PEBP4: variants seen among roughly 807,000 people sequenced by gnomAD.
PEBP4 encodes phosphatidylethanolamine-binding protein 4.
Under a neutral mutation model 23.9 loss-of-function variants are expected in PEBP4, and 22 were observed. The observed-to-expected ratio is 0.92, with a 90% CI of 0.66 to 1.31. The LOEUF (loss-of-function observed/expected upper bound fraction) is 1.31, where lower values mean the gene tolerates loss of function less well. Ranked by LOEUF, PEBP4 falls within the 40% of genes most tolerant of loss-of-function variation. PEBP4 has a pLI of 0.00. For missense variants in PEBP4, 324 were observed against 281.7 expected (o/e 1.15, Z -1.07); for synonymous variants, 112 against 99.3 (o/e 1.13, Z -0.76).
At chr8:22,918,884 G>A (rs1563261146) in intron 3 of PEBP4, among the ~76,000 whole-genome samples, 1 of 152,122 alleles carries the variant, frequency 6.6e-6, no homozygotes, top group Non-Finnish European at 1.5e-5. Flanking sequence ...CCAGGGAAGA[G>A]GGCTGACGCT....
chr8:22,749,506 G>A (rs1805200884), intron 4 of PEBP4, among the ~76,000 whole-genome samples: 1 of 152,192 alleles, frequency 6.6e-6, no homozygotes, highest in Non-Finnish European at 1.5e-5. Context: ...CACCAGCAAG[G>A]GCACGGCCAC....
chr8:22,782,014 G>A lies in PEBP4; in HGVS notation c.357+35623C>T, dbSNP rs533326967. ...TAATCTCAGCAGCCATGGTGGGTGA[G>A]AGGATCTGGGATTCCGTCTTGTTCT... On this transcript the variant is annotated intron_variant, in intron 4 of 6. Coordinates refer to ENST00000256404, the MANE Select transcript of PEBP4 (RefSeq NM_144962.3). Among the ~76,000 whole-genome samples, 4 of 152,350 alleles carry A rather than the reference G, an allele frequency of 2.6e-5. No homozygotes were observed. The East Asian group carries it at 7.7e-4, about 29-fold the overall frequency.
At chr8:22,909,981 A>G (rs1277440503) in intron 3 of PEBP4, among the ~76,000 whole-genome samples, 1 of 152,224 alleles carries the variant, frequency 6.6e-6, no homozygotes, top group Non-Finnish European at 1.5e-5. Flanking sequence ...TAGTCTCACC[A>G]CGCCATGTAA....
chr8:22,936,406 A>C (rs1809541580), intron 1 of PEBP4, among the ~76,000 whole-genome samples: 2 of 152,188 alleles, frequency 1.3e-5, no homozygotes, highest in South Asian at 4.1e-4. Flanking sequence ...ACTGAATCAT[A>C]AAGAGATGGA....
Position 22,729,806 on chromosome 8 carries a change from G to A in PEBP4, c.358-2586C>T, listed in dbSNP as rs367841593. 2.2e-4 allele frequency among the ~76,000 whole-genome samples: 34 copies of A among 152,288 alleles called. No individual in the cohort carries two copies. In the East Asian group the frequency reaches 4.4e-3, roughly 20 times the overall value. ...GGAGGACCTGGTGGAGGAGGGTGGA[G>A]GAGGAGTAAATCAGAAGCTGTGATT... On this transcript the variant is annotated intron_variant, in intron 4 of 6. Coordinates refer to ENST00000256404, the MANE Select transcript of PEBP4 (RefSeq NM_144962.3).
chr8:22,904,001 T>C (rs1585334876), intron 3 of PEBP4, among the ~76,000 whole-genome samples: 1 of 152,232 alleles, frequency 6.6e-6, no homozygotes, highest in Non-Finnish European at 1.5e-5. Context: ...GTTCCTGTCT[T>C]TGTTCATCAT....
At chr8:22,871,427 C>T (rs1808004541) in intron 3 of PEBP4, among the ~76,000 whole-genome samples, 1 of 152,024 alleles carries the variant, frequency 6.6e-6, no homozygotes, top group African/African-American at 2.4e-5. Flanking sequence ...AAGAGATTTA[C>T]ATCTATTATC....
chr8:22,765,812 ATGGATCACCACCTG>A lies in PEBP4; in HGVS notation c.358-38606_358-38593del, dbSNP rs143060319. 1.0e-3 allele frequency among the ~76,000 whole-genome samples: 154 copies of A among 149,432 alleles called. 1 individual carries two copies. The highest frequency in any genetic ancestry group is 3.6e-3 in the African/African-American group (144 of 40,480). On this transcript the variant is annotated intron_variant, in intron 4 of 6. Transcript: ENST00000256404. ...CACCACCTGTGGATCACCACCATTC[ATGGATCACCACCTG>A]TGGATCACCACCATTCATGGATCAC...
intron 3 of PEBP4, among the ~76,000 whole-genome samples, chr8:22,891,065 T>C (rs567222216): frequency 6.6e-6 from 1 of 152,226 alleles, no homozygotes; most frequent in African/African-American, 2.4e-5. Context: ...CCTGACCTCA[T>C]GATCTGCCCA....
At chr8:22,752,406 G>A (rs921562968) in intron 4 of PEBP4, among the ~76,000 whole-genome samples, 1 of 152,174 alleles carries the variant, frequency 6.6e-6, no homozygotes, top group Non-Finnish European at 1.5e-5. Context: ...CTAAGTCTAC[G>A]GTTGCCTGGC....
intron 3 of PEBP4, among the ~76,000 whole-genome samples, chr8:22,842,853 A>G (rs1159311373): frequency 5.9e-5 from 9 of 152,238 alleles, no homozygotes; most frequent in African/African-American, 1.9e-4. Context: ...TTTGAGATAG[A>G]GTCTAGCTCT....
At chr8:22,916,418 G>T (rs936090979) in intron 3 of PEBP4, among the ~76,000 whole-genome samples, 1 of 152,178 alleles carries the variant, frequency 6.6e-6, no homozygotes, top group Non-Finnish European at 1.5e-5. Flanking sequence ...AGCCAGCCAC[G>T]TTTTCCTGTG....
chr8:22,747,383 G>C (rs536144694), intron 4 of PEBP4: 1 of 152,360 alleles, frequency 6.6e-6, no homozygotes, highest in Admixed American at 6.5e-5. Context: ...CAGCACCCGA[G>C]AGAGGCCACA....
intron 4 of PEBP4, among the ~76,000 whole-genome samples, chr8:22,742,099 A>T (rs186996433): frequency 4.4e-4 from 67 of 152,230 alleles, no homozygotes; most frequent in African/African-American, 1.5e-3. Context: ...CCTTCCTCTG[A>T]GGAGTCTGGG....
chr8:22,887,600 A>G (rs1321345397), intron 3 of PEBP4: 4 of 151,874 alleles, frequency 2.6e-5, no homozygotes, highest in Non-Finnish European at 4.4e-5. Context: ...CTCCATCTCT[A>G]TAAAACCTTT....
intron 3 of PEBP4, among the ~76,000 whole-genome samples, chr8:22,838,110 A>G (rs981487398): frequency 2.0e-5 from 3 of 151,822 alleles, no homozygotes; most frequent in African/African-American, 7.3e-5. Context: ...TGTGTTGTCC[A>G]GGCTGGTCTG....
At chr8:22,852,104 G>T (rs978316930) in intron 3 of PEBP4, among the ~76,000 whole-genome samples, 1 of 152,130 alleles carries the variant, frequency 6.6e-6, no homozygotes. Context: ...AAGTGCTGGT[G>T]GGGAGGTGGC....
rs554861993 is a variant in PEBP4 at position 22,858,555 on chromosome 8, T to C, written c.259-40820A>G. Among the ~76,000 whole-genome samples, 14 of 152,316 alleles carry C rather than the reference T, an allele frequency of 9.2e-5. No homozygotes were observed. In the East Asian group the frequency reaches 2.7e-3, roughly 29 times the overall value. On this transcript the variant is annotated intron_variant, in intron 3 of 6. Coordinates refer to ENST00000256404, the MANE Select transcript of PEBP4 (RefSeq NM_144962.3). ...CTCTCTATCCCATTCATTTTCTCAA[T>C]ATTCTTAGAAAGCAAGAAAGGGATA...
intron 4 of PEBP4, among the ~76,000 whole-genome samples, chr8:22,760,056 C>T (rs1281849592): frequency 1.3e-5 from 2 of 152,182 alleles, no homozygotes; most frequent in East Asian, 3.8e-4. Context: ...TTTGATTGTG[C>T]TCTTATCGTT....
Sources: allele counts gnomAD v4.1 joint callset (sites outside exome capture counted in the v4.1 genomes callset), GRCh38; gene constraint gnomAD v4.1.1; transcripts MANE v1.5; gene names NCBI Gene and HGNC (gene_info 2026-07-23, HGNC 2026-07-21).